Variants in LRP1B observed in about 807,000 individuals in gnomAD.
LRP1B encodes LDL receptor related protein 1B, also known as low-density lipoprotein receptor-related protein 1B.
LRP1B carries 217 observed loss-of-function variants against 556.6 expected under a neutral mutation model. The observed-to-expected ratio is 0.39, with a 90% confidence interval of 0.35 to 0.44. LRP1B has a LOEUF of 0.44. Among genes scored for constraint, LRP1B ranks in the 20% least tolerant of loss-of-function variants. The probability of loss-of-function intolerance (pLI) is 1.00; values close to 1 mark genes in which losing one functional copy is unlikely to be tolerated. For synonymous variants in LRP1B, 2,047 were observed against 1,865.8 expected (o/e 1.10, Z -2.50); for missense variants, 5,053 against 5,620.8 (o/e 0.90, Z 3.23).
chr2:140,446,486 G>T (rs1462166639), intron 63 of LRP1B, among the ~76,000 whole-genome samples: 1 of 152,084 alleles, frequency 6.6e-6, no homozygotes, highest in East Asian at 1.9e-4. Context: ...GATGTTATAA[G>T]TATTGTCAGC....
At chr2:141,307,012 T>G (rs749328210) in intron 3 of LRP1B, among the ~76,000 whole-genome samples, 1 of 152,188 alleles carries the variant, frequency 6.6e-6, no homozygotes, top group Admixed American at 6.5e-5. Flanking sequence ...AGACTTCTTT[T>G]GTGTTTCAAA....
At position 140,452,315 on chromosome 2, in the gene LRP1B, A is replaced by T. The variant is rs370947752; in HGVS notation, c.9964-1654T>A. ...AGTACCATTCAGATAGAAGAAACTA[A>T]AGACAAAAATCTCACTTTCCATACA... On this transcript the variant is annotated intron_variant, in intron 62 of 90. Coordinates refer to ENST00000389484, the MANE Select transcript of LRP1B (RefSeq NM_018557.3). Among the ~76,000 whole-genome samples, 6 of 152,262 alleles carry T rather than the reference A, an allele frequency of 3.9e-5. No individual in the cohort carries two copies. The East Asian group carries it at 5.8e-4, about 15-fold the overall frequency.
rs1226456366 is a variant in LRP1B, at chr2:140,364,710, A to G, written c.11082T>C (p.Asp3694=). Residue 3694 remains aspartate (D), a synonymous_variant, in exon 72 of 91, where the codon GAT becomes GAC. Coordinates refer to ENST00000389484, the MANE Select transcript of LRP1B (RefSeq NM_018557.3). ...SLCKLHFWVC[D]GEDDCGDNSD... ...AGTTGTCTCCACAGTCGTCCTCTCCATCACACACCCAGAAATGTAGTTTGC... is the reference window on the plus strand; with the variant it reads ...AGTTGTCTCCACAGTCGTCCTCTCCGTCACACACCCAGAAATGTAGTTTGC... 7 of 1,610,520 alleles carry G rather than the reference A, an allele frequency of 4.3e-6. No individual in the cohort carries two copies. Among genetic ancestry groups the G allele is most frequent in the Non-Finnish European group, 5.1e-6 (6 of 1,177,652 alleles).
intron 1 of LRP1B, among the ~76,000 whole-genome samples, chr2:142,126,492 T>C (rs1029772861): frequency 6.6e-6 from 1 of 151,922 alleles, no homozygotes; most frequent in Non-Finnish European, 1.5e-5. Flanking sequence ...CACTTACTAC[T>C]AACTTAGTTT....
At chr2:141,409,322 C>A (rs1013195741) in intron 3 of LRP1B, among the ~76,000 whole-genome samples, 1 of 152,090 alleles carries the variant, frequency 6.6e-6, no homozygotes, top group Non-Finnish European at 1.5e-5. Flanking sequence ...TGTTACTTCC[C>A]AGCTGTGTAT....
chr2:141,035,657 T>C lies in LRP1B; in HGVS notation c.1789+13329A>G, dbSNP rs1698512067. On this transcript the variant is annotated intron_variant, in intron 11 of 90. Coordinates refer to ENST00000389484, the MANE Select transcript of LRP1B (RefSeq NM_018557.3). ...TAATCATATCATCCTGTACCATCTC[T>C]TTAAATAAAAGATTTTTTCTGATAA... Among the ~76,000 whole-genome samples, 3 of 151,952 alleles carry C rather than the reference T, an allele frequency of 2.0e-5. No individual in the cohort carries two copies. The South Asian group carries it at 6.2e-4, about 32-fold the overall frequency.
chr2:140,805,652 CATTT>C (rs1216008005), intron 32 of LRP1B, among the ~76,000 whole-genome samples: 3 of 152,002 alleles, frequency 2.0e-5, no homozygotes, highest in South Asian at 2.1e-4. Context: ...CCAATATAAT[CATTT>C]ATTTAAAACT....
At chr2:141,184,445 G>A (rs187510587) in intron 7 of LRP1B, among the ~76,000 whole-genome samples, 7 of 151,796 alleles carry the variant, frequency 4.6e-5, no homozygotes, top group Admixed American at 6.6e-5. Flanking sequence ...CTCTATACCC[G>A]GAGGAAAGGA....
chr2:140,648,727 A>G (rs1684571845), intron 41 of LRP1B, among the ~76,000 whole-genome samples: 2 of 152,182 alleles, frequency 1.3e-5, no homozygotes, highest in Admixed American at 1.3e-4. Context: ...GTGGGCTTCA[A>G]GTCTCAAGAA....
chr2:141,084,909 A>G (rs1700014965), intron 7 of LRP1B, among the ~76,000 whole-genome samples: 1 of 152,076 alleles, frequency 6.6e-6, no homozygotes, highest in Non-Finnish European at 1.5e-5. Flanking sequence ...TCGGCCTCCC[A>G]AAGTGCTGGG....
chr2:142,020,912 G>A (rs1703307018), intron 1 of LRP1B, among the ~76,000 whole-genome samples: 1 of 152,134 alleles, frequency 6.6e-6, no homozygotes. Flanking sequence ...GAAAAGCAAA[G>A]CAGCTAGTAA....
At chr2:141,537,828 G>A (rs1480314842) in intron 2 of LRP1B, among the ~76,000 whole-genome samples, 1 of 152,050 alleles carries the variant, frequency 6.6e-6, no homozygotes, top group East Asian at 1.9e-4. Flanking sequence ...TGGGGAGCGG[G>A]ATTGTGCTAA....
At chr2:141,091,088 T>C (rs1240630065) in intron 7 of LRP1B, among the ~76,000 whole-genome samples, 1 of 152,178 alleles carries the variant, frequency 6.6e-6, no homozygotes, top group African/African-American at 2.4e-5. Context: ...ATCATTTTCT[T>C]CTCAAATCAG....
At chr2:141,330,879 A>G (rs1268219955) in intron 3 of LRP1B, among the ~76,000 whole-genome samples, 1 of 151,818 alleles carries the variant, frequency 6.6e-6, no homozygotes, top group Non-Finnish European at 1.5e-5. Context: ...CAGTCTCCCA[A>G]GTAGCTGGGA....
chr2:140,803,290 T>TTTTTTTTC (rs869303438), intron 32 of LRP1B, among the ~76,000 whole-genome samples: 3 of 115,260 alleles, frequency 2.6e-5, no homozygotes, highest in African/African-American at 1.0e-4. Context: ...TTTTTTTTTT[T>TTTTTTTTC]CCGAGATGGA....
chr2:141,231,535 G>A (rs1454585513), intron 5 of LRP1B, among the ~76,000 whole-genome samples: 1 of 152,126 alleles, frequency 6.6e-6, no homozygotes, highest in Non-Finnish European at 1.5e-5. Flanking sequence ...CTGCAGCCTG[G>A]AGAATCACTA....
intron 7 of LRP1B, among the ~76,000 whole-genome samples, chr2:141,067,719 T>C (rs958254318): frequency 6.6e-6 from 1 of 151,998 alleles, no homozygotes; most frequent in Non-Finnish European, 1.5e-5. Context: ...CAAGAAGGAA[T>C]ATGGGATTCA....
chr2:141,894,484 C>A (rs540748425), intron 1 of LRP1B, among the ~76,000 whole-genome samples: 2 of 152,024 alleles, frequency 1.3e-5, no homozygotes, highest in South Asian at 4.2e-4. Context: ...TGTCACAAAC[C>A]AGCTGTAAGA....
chr2:142,019,268 AG>A (rs1169114185), intron 1 of LRP1B, among the ~76,000 whole-genome samples: 1 of 152,176 alleles, frequency 6.6e-6, no homozygotes, highest in African/African-American at 2.4e-5. Flanking sequence ...GAGGAATGCA[AG>A]TCTATGGTGT....
Sources: gnomAD v4.1 joint callset for allele counts (sites outside exome capture counted in the v4.1 genomes callset) on GRCh38, gnomAD v4.1.1 for gene constraint, MANE v1.5 for transcripts, NCBI Gene and HGNC (gene_info 2026-07-23, HGNC 2026-07-21) for gene names.